ZNF469: variants seen among roughly 807,000 people sequenced by gnomAD.
ZNF469 encodes the protein zinc finger protein 469.
A neutral mutation model predicts 1.0 loss-of-function variants in ZNF469; 1 was observed. The observed-to-expected ratio is 1.00, with a 90% CI of 0.35 to 4.73. The LOEUF (loss-of-function observed/expected upper bound fraction) is 4.73, where lower values mean the gene tolerates loss of function less well. ZNF469 is among the 30% of genes most tolerant of loss of function. The pLI, the probability that ZNF469 is intolerant of heterozygous loss-of-function variation, is 0.16. For synonymous variants in ZNF469, 2,703 were observed against 2,363.4 expected (o/e 1.14, Z -4.17); for missense variants, 6,100 against 5,356.3 (o/e 1.14, Z -4.33).
the ZNF469 span, among the ~76,000 whole-genome samples, chr16:88,359,548 C>T: frequency 2.6e-5 from 4 of 152,244 alleles, no homozygotes; most frequent in Non-Finnish European, 4.4e-5. Flanking sequence ...CTTTCTTAAA[C>T]ATCGTTGGCT....
intron 1 of ZNF469, among the ~76,000 whole-genome samples, chr16:88,407,092 T>C (rs1440862994): frequency 2.6e-5 from 4 of 152,186 alleles, no homozygotes; most frequent in Admixed American, 6.5e-5. Flanking sequence ...CACCTGGGCC[T>C]TTGCTCTTTC....
the ZNF469 span, among the ~76,000 whole-genome samples, chr16:88,326,237 A>G: frequency 6.6e-6 from 1 of 152,210 alleles, no homozygotes; most frequent in African/African-American, 2.4e-5. Flanking sequence ...GTGATAGTGA[A>G]TAAGCCTCAT....
At chr16:88,204,795 C>T in the ZNF469 span, among the ~76,000 whole-genome samples, 2 of 152,176 alleles carry the variant, frequency 1.3e-5, no homozygotes, top group Non-Finnish European at 2.9e-5. Flanking sequence ...ACTGGATTTG[C>T]TGCCGAGAAG....
At position 88,434,177 on chromosome 16, in the gene ZNF469, T is replaced by G; in HGVS notation, c.6707T>G (p.Val2236Gly). ...TGGCCTCCTGGCTCCGTCAGTGCTG[T>G]AACCTGCACTCACAGTGGGGACACC... ...SSWPPGSVSA[V>G]TCTHSGDTPK... The change falls in exon 3 of 3, where the codon GTA becomes GGA. Residue 2236 changes from valine to glycine, a missense_variant. By Grantham distance (109) the Val-to-Gly change is moderately radical. Transcript: ENST00000565624. The G allele has an allele frequency of 1.9e-6, 3 of 1,550,346 alleles. No individual in the cohort carries two copies. Among genetic ancestry groups the G allele is most frequent in the Non-Finnish European group, 2.6e-6 (3 of 1,146,958 alleles).
At chr16:88,337,459 C>T in the ZNF469 span, among the ~76,000 whole-genome samples, 23 of 152,312 alleles carry the variant, frequency 1.5e-4, no homozygotes, top group Admixed American at 9.1e-4. Flanking sequence ...TACCCAGTCT[C>T]GGGTATGTCT....
the ZNF469 span, among the ~76,000 whole-genome samples, chr16:88,192,976 ATGG>A: frequency 3.1e-5 from 4 of 127,686 alleles, no homozygotes; most frequent in Admixed American, 1.5e-4. Context: ...GATGGTAGTG[ATGG>A]TGGTGGTGAT....
At chr16:88,257,341 T>C in the ZNF469 span, among the ~76,000 whole-genome samples, 1 of 152,044 alleles carries the variant, frequency 6.6e-6, no homozygotes, top group Non-Finnish European at 1.5e-5. Context: ...TTTGGCCCAC[T>C]TTTTAAATTG....
chr16:88,121,067 G>GGT, the ZNF469 span, among the ~76,000 whole-genome samples: 1 of 151,406 alleles, frequency 6.6e-6, no homozygotes, highest in Non-Finnish European at 1.5e-5. Context: ...GTGGGGTGCT[G>GGT]GTGGGTGCTG....
At chr16:88,368,371 C>G in the ZNF469 span, among the ~76,000 whole-genome samples, 4 of 152,234 alleles carry the variant, frequency 2.6e-5, no homozygotes, top group African/African-American at 9.6e-5. Flanking sequence ...CTGATGGAGG[C>G]CGAGCTCCTT....
chr16:88,357,374 T>C, the ZNF469 span, among the ~76,000 whole-genome samples: 2,067 of 152,286 alleles, frequency 0.014, 51 homozygotes, highest in African/African-American at 0.047. Context: ...CCTGCAGATA[T>C]CCAGTCCTCG....
the ZNF469 span, among the ~76,000 whole-genome samples, chr16:88,215,383 A>AC: frequency 2.3e-4 from 22 of 94,164 alleles, 2 homozygotes; most frequent in Non-Finnish European, 2.7e-4. Context: ...TTGCCTTTTA[A>AC]TTTTTTTTTT....
At chr16:88,346,424 C>G in the ZNF469 span, among the ~76,000 whole-genome samples, 2 of 152,266 alleles carry the variant, frequency 1.3e-5, no homozygotes, top group African/African-American at 4.8e-5. Flanking sequence ...TCCCTCCCAG[C>G]CCTGGCCTGG....
the ZNF469 span, among the ~76,000 whole-genome samples, chr16:88,377,688 C>T: frequency 6.6e-6 from 1 of 152,090 alleles, no homozygotes; most frequent in Non-Finnish European, 1.5e-5. Context: ...CTCCCTCCTC[C>T]AGCCCTCCCT....
chr16:88,110,941 G>A, the ZNF469 span, among the ~76,000 whole-genome samples: 2 of 152,272 alleles, frequency 1.3e-5, no homozygotes, highest in African/African-American at 2.4e-5. Context: ...ACCCGGGCCA[G>A]CAATGGCACA....
At chr16:88,366,638 C>T in the ZNF469 span, among the ~76,000 whole-genome samples, 2 of 45,512 alleles carry the variant, frequency 4.4e-5, no homozygotes, top group South Asian at 1.6e-3. Context: ...AGCACCATCA[C>T]CATCATCACC....
the ZNF469 span, among the ~76,000 whole-genome samples, chr16:88,105,066 A>T: frequency 2.0e-5 from 3 of 152,230 alleles, no homozygotes; most frequent in East Asian, 3.9e-4. Flanking sequence ...AAACAATTTT[A>T]AAAAATTAGC....
chr16:88,305,624 GCA>G, the ZNF469 span, among the ~76,000 whole-genome samples: 966 of 148,986 alleles, frequency 6.5e-3, 8 homozygotes, highest in Middle Eastern at 0.011. Flanking sequence ...ACCCTCACGT[GCA>G]CACACATTCT....
chr16:88,404,020 G>T (rs1227490072), intron 1 of ZNF469, among the ~76,000 whole-genome samples: 1 of 152,226 alleles, frequency 6.6e-6, no homozygotes, highest in Non-Finnish European at 1.5e-5. Flanking sequence ...CCTCTGTGCC[G>T]CCAGGGGGCC....
At chr16:88,275,899 G>A in the ZNF469 span, among the ~76,000 whole-genome samples, 2 of 152,186 alleles carry the variant, frequency 1.3e-5, no homozygotes, top group Non-Finnish European at 2.9e-5. Context: ...GCCCAAGTGA[G>A]ACACAGAGTC....
Sources: allele counts gnomAD v4.1 joint callset (sites outside exome capture counted in the v4.1 genomes callset), GRCh38; gene constraint gnomAD v4.1.1; transcripts MANE v1.5; gene names NCBI Gene and HGNC (gene_info 2026-07-23, HGNC 2026-07-21).